DCC: variants seen among roughly 807,000 people sequenced by gnomAD.
DCC encodes DCC netrin 1 receptor, also known as netrin receptor DCC.
Under a neutral mutation model 172.5 loss-of-function variants are expected in DCC, and 58 were observed. That is an observed-to-expected ratio of 0.34 (90% CI 0.27 to 0.42). DCC has a LOEUF of 0.42. Among genes scored for constraint, DCC ranks in the 10% least tolerant of loss-of-function variants. The pLI is 1.00. For missense variants in DCC, 1,740 were observed against 1,791.0 expected, an observed-to-expected ratio of 0.97 and a Z score of 0.51; for synonymous variants, 709 against 644.5, an observed-to-expected ratio of 1.10 and a Z score of -1.52.
chr18:53,135,793 A>T lies in DCC; in HGVS notation c.1262-21563A>T, dbSNP rs75922351. On this transcript the variant is annotated intron_variant, in intron 7 of 28. Transcript: ENST00000442544. ...TAAGGGAACATTTGAGAGTGATTGA[A>T]TCACCCTCAATCTACAAGCCACATT... is the stretch of plus-strand genomic sequence containing the variant. Among the ~76,000 whole-genome samples, 79 of 152,246 alleles carry T rather than the reference A, an allele frequency of 5.2e-4. 1 individual carries two copies. In the East Asian group the frequency reaches 0.014, roughly 28 times the overall value.
chr18:53,418,050 T>C (rs536578071), intron 21 of DCC, among the ~76,000 whole-genome samples: 154 of 152,304 alleles, frequency 1.0e-3, no homozygotes, highest in African/African-American at 3.4e-3. Context: ...AGTCCATTAA[T>C]ATATTTAGTC....
intron 19 of DCC, among the ~76,000 whole-genome samples, chr18:53,404,813 A>G (rs1376110114): frequency 6.6e-6 from 1 of 152,116 alleles, no homozygotes; most frequent in Non-Finnish European, 1.5e-5. Context: ...TGCCAAAATC[A>G]CAGTGCATAT....
chr18:53,256,842 G>A (rs1359110363), intron 12 of DCC, among the ~76,000 whole-genome samples: 3 of 152,174 alleles, frequency 2.0e-5, no homozygotes, highest in Admixed American at 1.3e-4. Flanking sequence ...TCCTACCCAT[G>A]AGCATGGAAT....
intron 28 of DCC, 118 bp from the exon 29 acceptor site, chr18:53,530,446 G>A (rs1266774297): frequency 2.6e-6 from 2 of 755,410 alleles, no homozygotes; most frequent in African/African-American, 1.7e-5. Flanking sequence ...AGCCCTGGCT[G>A]TGGTCTCCTA....
chr18:52,787,565 A>G (rs1451250016), intron 2 of DCC, among the ~76,000 whole-genome samples: 1 of 150,950 alleles, frequency 6.6e-6, no homozygotes, highest in African/African-American at 2.4e-5. Context: ...TCACTAAAAT[A>G]TAACTTAAAT....
chr18:53,196,172 G>A (rs1164561338), intron 9 of DCC, among the ~76,000 whole-genome samples: 2 of 152,100 alleles, frequency 1.3e-5, no homozygotes, highest in African/African-American at 4.8e-5. Flanking sequence ...AAGCACATTT[G>A]GGTGAAACTT....
chr18:53,467,008 A>C (rs1265265818), intron 24 of DCC, among the ~76,000 whole-genome samples: 2 of 152,284 alleles, frequency 1.3e-5, no homozygotes, highest in East Asian at 3.9e-4. Flanking sequence ...ATGATAAAAA[A>C]TAAAAAGAAT....
chr18:52,445,170 T>C (rs1167148877), intron 1 of DCC, among the ~76,000 whole-genome samples: 1 of 152,170 alleles, frequency 6.6e-6, no homozygotes, highest in Non-Finnish European at 1.5e-5. Flanking sequence ...AATTCCTAAA[T>C]AGTAATTCCT....
intron 5 of DCC, among the ~76,000 whole-genome samples, chr18:52,949,141 T>A (rs541478313): frequency 6.6e-6 from 1 of 152,318 alleles, no homozygotes; most frequent in East Asian, 1.9e-4. Flanking sequence ...GTCATATCAT[T>A]GCTGTGAGAC....
intron 1 of DCC, among the ~76,000 whole-genome samples, chr18:52,545,230 C>T (rs1354367935): frequency 6.6e-6 from 1 of 152,164 alleles, no homozygotes; most frequent in Non-Finnish European, 1.5e-5. Context: ...TAGCTTCTCC[C>T]TGGGAACTGT....
rs1555656824 is a variant in DCC, at chr18:53,351,348, T to TATACATGTATATATATATATATAC, written c.2359+11442_2359+11443insTACATGTATATATATATATATACA. Among the ~76,000 whole-genome samples, 7 of 54,730 alleles carry TATACATGTATATATATATATATAC rather than the reference T, an allele frequency of 1.3e-4. 1 individual carries two copies. The East Asian group carries it at 2.4e-3, about 18-fold the overall frequency. The allele number at this position is 54,730 out of a possible 152,430, so 35.9% of individuals were successfully genotyped here. ...TATATATATACAGTGTATATATATA[T>TATACATGTATATATATATATATAC]ACACAGTATATATATATACTGTATA... On this transcript the variant is annotated intron_variant, in intron 15 of 28. Coordinates refer to ENST00000442544, the MANE Select transcript of DCC (RefSeq NM_005215.4).
intron 1 of DCC, among the ~76,000 whole-genome samples, chr18:52,533,890 C>T (rs751658987): frequency 1.3e-5 from 2 of 152,094 alleles, no homozygotes; most frequent in African/African-American, 2.4e-5. Context: ...TTTCTCTTCA[C>T]CCTCACCAAG....
chr18:52,839,139 A>T (rs990050788), intron 2 of DCC, among the ~76,000 whole-genome samples: 6 of 152,204 alleles, frequency 3.9e-5, no homozygotes, highest in Non-Finnish European at 8.8e-5. Flanking sequence ...GTCCTATAAA[A>T]ACGTTTTACT....
At chr18:52,875,072 T>A (rs985837326) in intron 2 of DCC, among the ~76,000 whole-genome samples, 1 of 152,112 alleles carries the variant, frequency 6.6e-6, no homozygotes, top group Non-Finnish European at 1.5e-5. Context: ...TGGCTTTAGA[T>A]TGGTTGATTT....
intron 1 of DCC, among the ~76,000 whole-genome samples, chr18:52,685,203 A>T (rs2035811425): frequency 6.6e-6 from 1 of 152,110 alleles, no homozygotes; most frequent in Non-Finnish European, 1.5e-5. Flanking sequence ...TTATGCTTAA[A>T]TTTTTTTCTT....
chr18:53,313,861 A>G (rs1351754360), intron 13 of DCC, among the ~76,000 whole-genome samples: 1 of 152,136 alleles, frequency 6.6e-6, no homozygotes, highest in Non-Finnish European at 1.5e-5. Flanking sequence ...AAAACACCAT[A>G]ATACGTTAGC....
chr18:52,510,078 T>C (rs150299397), intron 1 of DCC, among the ~76,000 whole-genome samples: 501 of 149,340 alleles, frequency 3.4e-3, no homozygotes, highest in Non-Finnish European at 5.8e-3. Flanking sequence ...CACTCCAGCC[T>C]GGGCAATGAG....
chr18:52,471,886 T>C (rs936038929), intron 1 of DCC, among the ~76,000 whole-genome samples: 1 of 152,200 alleles, frequency 6.6e-6, no homozygotes, highest in Non-Finnish European at 1.5e-5. Context: ...TTTGATATTC[T>C]GTCTTATGTG....
At chr18:52,652,737 T>TGTGTGTGG (rs971665914) in intron 1 of DCC, among the ~76,000 whole-genome samples, 3 of 151,712 alleles carry the variant, frequency 2.0e-5, no homozygotes, top group African/African-American at 4.8e-5. Context: ...TGTGTGTGTG[T>TGTGTGTGG]GTGGGTGGAG....
Sources: allele counts gnomAD v4.1 joint callset (sites outside exome capture counted in the v4.1 genomes callset), GRCh38; gene constraint gnomAD v4.1.1; transcripts MANE v1.5; gene names NCBI Gene and HGNC (gene_info 2026-07-23, HGNC 2026-07-21).